Variants in WDR90 observed in about 807,000 individuals in gnomAD.
WDR90 encodes the protein WD repeat domain 90, also known as WD repeat-containing protein 90.
WDR90 carries 238 observed loss-of-function variants against 195.2 expected under a neutral mutation model. The observed-to-expected ratio is 1.22, with a 90% CI of 1.10 to 1.36. The LOEUF (loss-of-function observed/expected upper bound fraction) is 1.36, where lower values mean the gene tolerates loss of function less well. Ranked by LOEUF, WDR90 falls within the 40% of genes most tolerant of loss-of-function variation. The pLI, the probability that WDR90 is intolerant of heterozygous loss-of-function variation, is 0.00. For synonymous variants in WDR90, 1,265 were observed against 1,052.4 expected (o/e 1.20, Z -3.91); for missense variants, 2,734 against 2,439.5 (o/e 1.12, Z -2.54).
Position 653,759 on chromosome 16 carries a change from G to C in WDR90, c.1393G>C (p.Gly465Arg), listed in dbSNP as rs781342785. 3 of 1,613,114 alleles carry C rather than the reference G, an allele frequency of 1.9e-6. No individual in the cohort carries two copies. The highest frequency in any genetic ancestry group is 2.5e-6 in the Non-Finnish European group (3 of 1,180,000). The change falls in exon 13 of 41, where the codon GGG becomes CGG. Residue 465 changes from glycine to arginine, a missense_variant. Gly to Arg is a moderately radical substitution (Grantham distance 125, BLOSUM62 -2). Transcript: ENST00000293879. ...CCCTGTTCACAGCTTCTCTGACAGC[G>C]GGGCCCTTCTCTGCGGGGTTGGCAA... The part of the protein sequence containing the change: ...VVCSLSFSDS[G>R]ALLCGVGKDH...
rs955424537 is a variant in WDR90, at chr16:666,695, C to T, written c.4907C>T (p.Ser1636Phe). Residue 1636 changes from serine (S) to phenylalanine (F), a missense_variant, in exon 39 of 41, where the codon TCC becomes TTC. Coordinates refer to ENST00000293879, the MANE Select transcript of WDR90 (RefSeq NM_145294.5). The stretch of plus-strand genomic sequence containing the variant: ...CAGACTCAGGGCCACCTGCCACCCT[C>T]CCTCGCTGCCTTCTGCCCTTGGGAT... ...TTETQGHLPP[S>F]LAAFCPWDGA... The T allele has an allele frequency of 1.2e-6, 2 of 1,612,668 alleles. No individual in the cohort carries two copies. Among genetic ancestry groups the T allele is most frequent in the South Asian group, 1.1e-5 (1 of 91,086 alleles).
intron 1 of WDR90, 159 bp from the exon 2 acceptor site, chr16:649,604 G>C (rs1050948324): frequency 8.8e-7 from 1 of 1,136,670 alleles, no homozygotes; most frequent in Admixed American, 4.2e-5. Context: ...CTTCCCTCGG[G>C]CGCCCGGCCT....
At chr16:650,732 C>G in intron 5 of WDR90, 23 bp downstream of exon 5, 2 of 1,598,046 alleles carry the variant, frequency 1.3e-6, no homozygotes, top group Non-Finnish European at 1.7e-6. Context: ...CCTGCACTCC[C>G]CACTCCATAT....
chr16:651,985 C>T lies in WDR90; in HGVS notation c.999C>T (p.His333=), dbSNP rs887521256. 27 of 1,606,608 alleles carry T rather than the reference C, an allele frequency of 1.7e-5. No individual in the cohort carries two copies. In the Admixed American group the frequency reaches 1.8e-4, roughly 11 times the overall value. Residue 333 remains histidine (H), a synonymous_variant, in exon 9 of 41, where the codon CAC becomes CAT. Transcript: ENST00000293879. ...SDIHTAAAGT[H]VLTHESAEVP... ...TCCACACGGCTGCTGCCGGCACCCA[C>T]GTGTTGACTCACGAGTCGGCTGAGG...
chr16:666,521 G>A lies in WDR90; in HGVS notation c.4807G>A (p.Val1603Ile), dbSNP rs758287350. 57 of 1,612,644 alleles carry A rather than the reference G, an allele frequency of 3.5e-5. No individual in the cohort carries two copies. The highest frequency in any genetic ancestry group is 3.3e-4 in the Middle Eastern group (2 of 6,084). ...LAASGDQRVS[V>I]WASDWLRNHC... is the part of the protein sequence containing the mutation. ...TGCCAGTGGGGACCAGCGGGTCAGCGTCTGGGCCTCCGACTGGCTGCGGAA... is the reference window on the plus strand; with the variant it reads ...TGCCAGTGGGGACCAGCGGGTCAGCATCTGGGCCTCCGACTGGCTGCGGAA... Residue 1603 changes from valine (V) to isoleucine (I), a missense_variant, in exon 38 of 41, where the codon GTC becomes ATC. Physicochemically the swap from Val to Ile is conservative, Grantham distance 29. Transcript: ENST00000293879.
chr16:651,947 G>C lies in WDR90; in HGVS notation c.961G>C (p.Glu321Gln), dbSNP rs780855673. The stretch of plus-strand genomic sequence containing the variant: ...TAGCCTTGAGCCCTGGGCCCAGCTG[G>C]AGGCCTCTGACATCCACACGGCTGC... ...FHSLEPWAQL[E>Q]ASDIHTAAAG... The change falls in exon 9 of 41, where the codon GAG becomes CAG. Residue 321 changes from glutamate to glutamine, a missense_variant. Physicochemically the swap from Glu to Gln is conservative, Grantham distance 29. Coordinates refer to ENST00000293879, the MANE Select transcript of WDR90 (RefSeq NM_145294.5). 2.5e-6 allele frequency: 4 copies of C among 1,608,636 alleles called. No individual in the cohort carries two copies. Among genetic ancestry groups the C allele is most frequent in the Non-Finnish European group, 3.4e-6 (4 of 1,178,500 alleles).
Position 667,623 on chromosome 16 carries a change from C to T in WDR90, c.*34C>T, listed in dbSNP as rs1485301043. ...AGGGACTGTGGTGGTGGGCATCACGCCTGGTCATGCCAGGCACCTGGACAC... is the reference window on the plus strand; with the variant it reads ...AGGGACTGTGGTGGTGGGCATCACGTCTGGTCATGCCAGGCACCTGGACAC... On this transcript the variant is annotated 3_prime_UTR_variant, in exon 41 of 41. Transcript: ENST00000293879. The T allele has an allele frequency of 6.2e-7, 1 of 1,600,464 alleles. No homozygotes were observed. The highest frequency in any genetic ancestry group is 1.7e-5 in the Admixed American group (1 of 59,918).
chr16:656,819 G>A lies in WDR90; in HGVS notation c.2290G>A (p.Gly764Arg). Residue 764 changes from glycine (G) to arginine (R), a missense_variant, in exon 19 of 41, where the codon GGG (glycine) becomes AGG (arginine). Transcript: ENST00000293879. ...RPTFFCGFSS[G>R]AVRSFSLEAA... Reference sequence around the variant, plus strand: ...AACCTTTTTCTGTGGCTTTAGCAGTGGGGCCGTGCGCTCCTTCAGCCTGGA... The same window carrying A: ...AACCTTTTTCTGTGGCTTTAGCAGTAGGGCCGTGCGCTCCTTCAGCCTGGA... 1.2e-6 allele frequency: 2 copies of A among 1,613,066 alleles called. No individual in the cohort carries two copies. Among genetic ancestry groups the A allele is most frequent in the Non-Finnish European group, 1.7e-6 (2 of 1,179,970 alleles).
intron 33 of WDR90, 97 bp from the exon 34 acceptor site, chr16:662,582 C>T: frequency 6.8e-7 from 1 of 1,465,446 alleles, no homozygotes; most frequent in Non-Finnish European, 9.1e-7. Context: ...TCCTGAGATG[C>T]AATGCTGAGG....
At chr16:650,973 G>A (rs2037633631) in intron 5 of WDR90, 22 bp from the exon 6 acceptor site, 2 of 1,611,306 alleles carry the variant, frequency 1.2e-6, no homozygotes, top group Non-Finnish European at 1.7e-6. Context: ...CCCTTGACCT[G>A]GAACAACCCT....
intron 34 of WDR90, among the ~76,000 whole-genome samples, chr16:664,204 C>T (rs147569940): frequency 2.0e-5 from 3 of 151,928 alleles, no homozygotes; most frequent in Middle Eastern, 3.4e-3. Flanking sequence ...GAGGAAACCC[C>T]GTGCGTGCCT....
chr16:660,581 C>G (rs189933872), intron 27 of WDR90, 31 bp from the exon 28 acceptor site: 2 of 1,550,194 alleles, frequency 1.3e-6, no homozygotes, highest in Non-Finnish European at 1.7e-6. Context: ...CATGCTGGGC[C>G]CCAGCAGCAT....
chr16:663,037 C>T, intron 34 of WDR90, 193 bp downstream of exon 34: 1 of 836,654 alleles, frequency 1.2e-6, no homozygotes, highest in Non-Finnish European at 2.0e-6. Context: ...TGTGTCTGCA[C>T]AAGCGAGCCG....
rs1213507042 is a variant in WDR90, at chr16:650,616, C to CT, written c.467dup (p.Asn157GlufsTer25). The CT allele has an allele frequency of 6.2e-7, 1 of 1,612,822 alleles. No individual in the cohort carries two copies. The highest frequency in any genetic ancestry group is 1.7e-5 in the Admixed American group (1 of 60,018). On this transcript the variant is annotated frameshift_variant, in exon 5 of 41. Transcript: ENST00000293879. LOFTEE classifies it high-confidence loss of function. ...TCTGCAGGACGTTCTCCTGGTCTAC[C>CT]TGAACCGGTGCTACGGCCATCTCAA...
rs147521833 is a variant in WDR90 at position 650,363 on chromosome 16, G to A, written c.388+1G>A. On this transcript the variant is annotated splice_donor_variant, in intron 4 of 40. Coordinates refer to ENST00000293879, the MANE Select transcript of WDR90 (RefSeq NM_145294.5). LOFTEE classifies it high-confidence loss of function. ...CTGGAGGCCAGGACACCTCAGAGAG[G>A]TGACACCAAGATGGGGTGTGGATGA... The A allele has an allele frequency of 2.2e-5, 35 of 1,611,722 alleles. No homozygotes were observed. The highest frequency in any genetic ancestry group is 2.8e-5 in the Non-Finnish European group (33 of 1,179,102).
At chr16:650,790 G>T in intron 5 of WDR90, 81 bp downstream of exon 5, 1 of 1,550,316 alleles carries the variant, frequency 6.5e-7, no homozygotes, top group South Asian at 1.2e-5. Flanking sequence ...AGGGTGCTTG[G>T]GAAAATACAG....
rs766157441 is a variant in WDR90, at chr16:651,698, C to G, written c.791C>G (p.Pro264Arg). Reference protein sequence around the residue: ...PLPCPVASSKPVRFSVSPVVQ... With the variant: ...PLPCPVASSKRVRFSVSPVVQ... ...CCTTGCCCGGTGGCCTCCAGCAAAC[C>G]TGTGCGGTTCAGTGTGTCTCCAGTG... The change falls in exon 8 of 41, where the codon CCT becomes CGT. Residue 264 changes from proline (P) to arginine (R), a missense_variant. Physicochemically the swap from Pro to Arg is moderately radical, Grantham distance 103 (BLOSUM62 -2). Coordinates refer to ENST00000293879, the MANE Select transcript of WDR90 (RefSeq NM_145294.5). The G allele has an allele frequency of 4.3e-6, 7 of 1,613,106 alleles. No homozygotes were observed. The highest frequency in any genetic ancestry group is 5.9e-6 in the Non-Finnish European group (7 of 1,180,004).
In WDR90 at chr16:658,192, G is replaced by C; in HGVS notation, c.2614G>C (p.Val872Leu). Residue 872 changes from valine to leucine, a missense_variant, in exon 22 of 41, where the codon GTT becomes CTT. Val to Leu is a conservative substitution (Grantham distance 32). Coordinates refer to ENST00000293879, the MANE Select transcript of WDR90 (RefSeq NM_145294.5). Reference protein sequence around the residue: ...GSASLDELLRVDIGTLDLASS... With the variant: ...GSASLDELLRLDIGTLDLASS... Reference sequence around the variant, plus strand: ...TTACCACTACCCCCAGCTGCTGCGAGTTGACATCGGCACTCTGGACCTGGC... The same window carrying C: ...TTACCACTACCCCCAGCTGCTGCGACTTGACATCGGCACTCTGGACCTGGC... 1 of 1,608,848 alleles carries C rather than the reference G, an allele frequency of 6.2e-7. No individual in the cohort carries two copies. The highest frequency in any genetic ancestry group is 8.5e-7 in the Non-Finnish European group (1 of 1,177,286).
chr16:652,549 G>A lies in WDR90; in HGVS notation c.1122+14G>A, dbSNP rs190207942. On this transcript the variant is annotated intron_variant, in intron 10 of 40. Transcript: ENST00000293879. ...GGCACCAGACAGGTGAGGCTCCTGC[G>A]GCTGTGTCCAGAGCAGCTCTCGTTG... is the stretch of plus-strand genomic sequence containing the variant. The A allele has an allele frequency of 5.4e-4, 863 of 1,603,212 alleles. 3 individuals are homozygous for A. Among genetic ancestry groups the A allele is most frequent in the Non-Finnish European group, 6.8e-4 (800 of 1,174,236 alleles).
Sources: allele counts gnomAD v4.1 joint callset (sites outside exome capture counted in the v4.1 genomes callset), GRCh38; gene constraint gnomAD v4.1.1; transcripts MANE v1.5; gene names NCBI Gene and HGNC (gene_info 2026-07-23, HGNC 2026-07-21).